Variants in ANO2 observed in about 807,000 individuals in gnomAD.
ANO2 encodes anoctamin-2.
A neutral mutation model predicts 124.2 loss-of-function variants in ANO2; 101 were observed. That is an observed-to-expected ratio of 0.81 (90% confidence interval 0.69 to 0.96). ANO2 has a LOEUF of 0.96. ANO2 is among the 40% of genes least tolerant of loss of function. ANO2 has a pLI of 0.00. For synonymous variants in ANO2, 486 were observed against 482.5 expected, an observed-to-expected ratio of 1.01 and a Z score of -0.09; for missense variants, 1,293 against 1,274.5, an observed-to-expected ratio of 1.01 and a Z score of -0.22.
intron 19 of ANO2, chr12:5,609,230 G>T (rs1326034278): frequency 6.6e-6 from 1 of 152,166 alleles, no homozygotes; most frequent in Non-Finnish European, 1.5e-5. Flanking sequence ...CAGGGAACGG[G>T]GGGCACAGCT....
rs759480916 is a variant in ANO2, at chr12:5,900,846, T to A, written c.534+20194A>T. On this transcript the variant is annotated intron_variant, in intron 3 of 24. Transcript: ENST00000682330. This position sits in a 1 kb window ranked among gnomAD's most constrained non-coding sequence, Gnocchi z 4.2. ...TCAAGGCCAAGAGGGCAGGAAGGCG[T>A]CTCCTTGTTCTCGGCTCAGGAGACT... Among the ~76,000 whole-genome samples, 3 of 152,150 alleles carry A rather than the reference T, an allele frequency of 2.0e-5. No individual in the cohort carries two copies. The highest frequency in any genetic ancestry group is 2.9e-5 in the Non-Finnish European group (2 of 68,034).
chr12:5,832,237 GACAAGC>G (rs1186450306), intron 5 of ANO2, among the ~76,000 whole-genome samples: 1 of 152,142 alleles, frequency 6.6e-6, no homozygotes, highest in Non-Finnish European at 1.5e-5. Context: ...TTTCCTGCTG[GACAAGC>G]ACCCTTGGCT....
intron 10 of ANO2, among the ~76,000 whole-genome samples, chr12:5,796,764 T>A (rs1952874916): frequency 6.6e-6 from 1 of 152,216 alleles, no homozygotes; most frequent in South Asian, 2.1e-4. Flanking sequence ...ACTTTCAACA[T>A]CCAGGAACGG....
At chr12:5,920,452 T>TAACTCCC (rs1317830421) in intron 3 of ANO2, among the ~76,000 whole-genome samples, 1 of 152,102 alleles carries the variant, frequency 6.6e-6, no homozygotes, top group Non-Finnish European at 1.5e-5. Flanking sequence ...CTAACTAGGC[T>TAACTCCC]AACTCCCAAC....
At chr12:5,621,995 A>C (rs1945141334) in intron 16 of ANO2, among the ~76,000 whole-genome samples, 1 of 152,072 alleles carries the variant, frequency 6.6e-6, no homozygotes, top group African/African-American at 2.4e-5. Context: ...CCAATTTAAC[A>C]ACAACACAAT....
chr12:5,752,816 G>T (rs1292181754), intron 10 of ANO2, among the ~76,000 whole-genome samples: 1 of 151,964 alleles, frequency 6.6e-6, no homozygotes, highest in Non-Finnish European at 1.5e-5. Flanking sequence ...TTTTTCCCCT[G>T]TTTTCTTTTA....
chr12:5,792,645 A>G (rs933739044), intron 10 of ANO2, among the ~76,000 whole-genome samples: 3 of 152,174 alleles, frequency 2.0e-5, no homozygotes, highest in Admixed American at 6.5e-5. Context: ...CATAGCTGAT[A>G]CCTCTGAGCC....
At chr12:5,791,996 T>C (rs1952712394) in intron 10 of ANO2, among the ~76,000 whole-genome samples, 1 of 152,160 alleles carries the variant, frequency 6.6e-6, no homozygotes, top group African/African-American at 2.4e-5. Flanking sequence ...AATGTATAAA[T>C]ACATTTATTT....
At chr12:5,595,539 T>C (rs1943617924) in intron 20 of ANO2, among the ~76,000 whole-genome samples, 1 of 152,130 alleles carries the variant, frequency 6.6e-6, no homozygotes, top group Non-Finnish European at 1.5e-5. Flanking sequence ...GTCTGTTATA[T>C]GCCAGGAAAT....
intron 3 of ANO2, among the ~76,000 whole-genome samples, chr12:5,872,782 C>G (rs1193050013): frequency 3.3e-5 from 5 of 152,132 alleles, no homozygotes; most frequent in Non-Finnish European, 1.5e-5. Context: ...TGGTGTAATG[C>G]AAAGGAATGG....
intron 15 of ANO2, 42 bp downstream of exon 15, chr12:5,647,685 C>T (rs1183330878): frequency 3.5e-6 from 5 of 1,421,110 alleles, no homozygotes; most frequent in Admixed American, 3.6e-5. Flanking sequence ...ACAGCATCTA[C>T]ATGCATGCAG....
rs116345657 is a variant in ANO2, at chr12:5,753,676, C to T, written c.1056-2706G>A. Among the ~76,000 whole-genome samples, 435 of 151,962 alleles carry T rather than the reference C, an allele frequency of 2.9e-3. 2 individuals carry two copies. The highest frequency in any genetic ancestry group is 9.9e-3 in the African/African-American group (411 of 41,474). On this transcript the variant is annotated intron_variant, in intron 10 of 24. Coordinates refer to ENST00000682330, the MANE Select transcript of ANO2 (RefSeq NM_001364791.2). The stretch of plus-strand genomic sequence containing the variant: ...TGCTATTGTGAATGGTACTTTTCTT[C>T]TTAGTTTTCTTTTTAGATAGGTTGT...
In ANO2 at chr12:5,636,525, G is replaced by A; in HGVS notation, c.1621-1178C>T. 6.6e-6 allele frequency among the ~76,000 whole-genome samples: 1 copy of A among 151,124 alleles called. No homozygotes were observed. The highest frequency in any genetic ancestry group is 1.5e-5 in the Non-Finnish European group (1 of 67,806). Reference sequence around the variant, plus strand: ...TCCGCAGGACAGAGAATGGGCACTGGCTATGAAGGACTAAATAGAAAACGT... The same window carrying A: ...TCCGCAGGACAGAGAATGGGCACTGACTATGAAGGACTAAATAGAAAACGT... On this transcript the variant is annotated intron_variant, in intron 15 of 24. Transcript: ENST00000682330. The surrounding 1 kb of genome is among the most constrained non-coding windows in gnomAD (Gnocchi z 4.6).
At position 5,829,978 on chromosome 12, in the gene ANO2, T is replaced by C. The variant is rs115796021; in HGVS notation, c.840+457A>G. 6.8e-3 allele frequency among the ~76,000 whole-genome samples: 1,031 copies of C among 152,084 alleles called. 11 individuals carry two copies. Among genetic ancestry groups the C allele is most frequent in the African/African-American group, 0.024 (992 of 41,468 alleles). ...AATTCACATGACTCTGTCATGGGAGTTGAAAGAAGGGAAAATGCATAAACA... is the reference window on the plus strand; with the variant it reads ...AATTCACATGACTCTGTCATGGGAGCTGAAAGAAGGGAAAATGCATAAACA... On this transcript the variant is annotated intron_variant, in intron 6 of 24. Coordinates refer to ENST00000682330, the MANE Select transcript of ANO2 (RefSeq NM_001364791.2).
chr12:5,655,932 C>T (rs749530963), intron 14 of ANO2, among the ~76,000 whole-genome samples: 2 of 152,184 alleles, frequency 1.3e-5, no homozygotes, highest in Non-Finnish European at 2.9e-5. Context: ...CAGGAAGGGA[C>T]ATAGAGGCAC....
chr12:5,739,805 T>A (rs1951025555), intron 12 of ANO2: 1 of 450,520 alleles, frequency 2.2e-6, no homozygotes, highest in Non-Finnish European at 4.5e-6. Context: ...GCACTGTCAC[T>A]TTTTCCCTAC....
At chr12:5,598,225 T>C (rs1200998375) in intron 20 of ANO2, among the ~76,000 whole-genome samples, 1 of 152,114 alleles carries the variant, frequency 6.6e-6, no homozygotes, top group Non-Finnish European at 1.5e-5. Flanking sequence ...GGAGCAGGAG[T>C]CATATGCAAA....
intron 24 of ANO2, 139 bp from the exon 25 acceptor site, chr12:5,563,707 C>T (rs190525282): frequency 8.7e-7 from 1 of 1,155,200 alleles, no homozygotes; most frequent in Admixed American, 2.1e-5. Context: ...GAGCATAACT[C>T]TACCTTGGTG....
chr12:5,621,527 C>G, intron 16 of ANO2, among the ~76,000 whole-genome samples: 1 of 152,062 alleles, frequency 6.6e-6, no homozygotes, highest in South Asian at 2.1e-4. Context: ...AGGGCCAGTG[C>G]GATGGGAGGG....
Sources: allele counts gnomAD v4.1 joint callset (sites outside exome capture counted in the v4.1 genomes callset), GRCh38; gene constraint gnomAD v4.1.1; non-coding constraint Gnocchi (gnomAD v3.1); transcripts MANE v1.5; gene names NCBI Gene and HGNC (gene_info 2026-07-23, HGNC 2026-07-21).